Variants in SMARCC1 observed in about 807,000 individuals in gnomAD.
The protein encoded by SMARCC1 is SWI/SNF complex subunit SMARCC1.
Under a neutral mutation model 147.4 loss-of-function variants are expected in SMARCC1, and 43 were observed. The observed-to-expected ratio is 0.29, with a 90% CI of 0.23 to 0.38. The LOEUF is 0.38. SMARCC1 is among the 10% of genes least tolerant of loss of function. SMARCC1 has a pLI of 1.00. For missense variants in SMARCC1, 1,119 were observed against 1,381.1 expected (o/e 0.81, Z 3.01); for synonymous variants, 495 against 484.4 (o/e 1.02, Z -0.29).
intron 2 of SMARCC1, among the ~76,000 whole-genome samples, chr3:47,765,908 T>C (rs1247342236): frequency 2.6e-5 from 4 of 152,034 alleles, no homozygotes; most frequent in African/African-American, 9.7e-5. Context: ...AATTTTTGTA[T>C]TTGTAGTAGA....
chr3:47,700,550 ACT>A (rs1406271345), intron 11 of SMARCC1, among the ~76,000 whole-genome samples: 2 of 152,016 alleles, frequency 1.3e-5, no homozygotes, highest in African/African-American at 4.8e-5. Flanking sequence ...ACTGAGTCTC[ACT>A]CTGTCGCCCA....
intron 26 of SMARCC1, among the ~76,000 whole-genome samples, chr3:47,595,713 G>A (rs1047690124): frequency 2.0e-5 from 3 of 151,002 alleles, no homozygotes; most frequent in East Asian, 1.9e-4. Flanking sequence ...GTATTACACC[G>A]AGGCTTATAA....
At chr3:47,608,993 C>T (rs1288622283) in intron 26 of SMARCC1, among the ~76,000 whole-genome samples, 1 of 151,764 alleles carries the variant, frequency 6.6e-6, no homozygotes, top group Admixed American at 6.6e-5. Context: ...GGCACAGCCA[C>T]ATTGTGGAAA....
At chr3:47,663,873 G>A in intron 19 of SMARCC1, 1 of 1,523,156 alleles carries the variant, frequency 6.6e-7, no homozygotes, top group Non-Finnish European at 9.1e-7. Context: ...GCCGCCCAGG[G>A]TTTCACGGTC....
At chr3:47,768,809 G>A (rs1244751468) in intron 2 of SMARCC1, among the ~76,000 whole-genome samples, 1 of 152,052 alleles carries the variant, frequency 6.6e-6, no homozygotes, top group Admixed American at 6.6e-5. Context: ...TAAAGCAAAT[G>A]GGTAAAATGT....
At chr3:47,727,912 T>C (rs1020731713) in intron 6 of SMARCC1, among the ~76,000 whole-genome samples, 9 of 151,870 alleles carry the variant, frequency 5.9e-5, no homozygotes, top group African/African-American at 2.2e-4. Context: ...GACATGAGAT[T>C]TCACTATGTT....
Position 47,729,084 on chromosome 3 carries a change from G to A in SMARCC1, c.587C>T (p.Thr196Met), listed in dbSNP as rs776898660. Residue 196 changes from threonine to methionine, a missense_variant, in exon 6 of 28, where the codon ACG becomes ATG. Thr to Met is a moderately conservative substitution (Grantham distance 81). This residue lies in a region of SMARCC1 where 542 missense variants were observed against 611.8 expected (regional missense o/e 0.89). Transcript: ENST00000254480. ...GTGGGAAGCTTTTGACTTCTCATCC[G>A]TAAATGTTCCCTGGAAAGCAAATGA... is the stretch of plus-strand genomic sequence containing the variant. The part of the protein sequence containing the change: ...DIIKRHQGTF[T>M]DEKSKASHHI... The A allele has an allele frequency of 2.5e-6, 4 of 1,609,768 alleles. No homozygotes were observed. The highest frequency in any genetic ancestry group is 2.2e-5 in the East Asian group (1 of 44,806).
rs1178117694 is a variant in SMARCC1, at chr3:47,781,887, C to T, written c.-90G>A. The T allele has an allele frequency of 7.9e-6, 7 of 882,558 alleles. No individual in the cohort carries two copies. The highest frequency in any genetic ancestry group is 3.5e-5 in the African/African-American group (2 of 56,708). 54.7% of individuals were successfully genotyped at this position (882,558 alleles called of 1,614,324 possible). A position where few individuals can be genotyped will look rare whatever the true frequency, so the allele number is the denominator to read the frequency against. ...CCGCGCGCACCCCCGCGCGCGTAGC[C>T]GCCACTGCCGCTTCCCGGCCCCGCC... On this transcript the variant is annotated 5_prime_UTR_variant, in exon 1 of 28. Coordinates refer to ENST00000254480, the MANE Select transcript of SMARCC1 (RefSeq NM_003074.4).
intron 3 of SMARCC1, among the ~76,000 whole-genome samples, chr3:47,738,657 C>CT (rs923713228): frequency 6.6e-6 from 1 of 151,646 alleles, no homozygotes; most frequent in Non-Finnish European, 1.5e-5. Context: ...GCACTCTAGC[C>CT]TGGTGACAGA....
chr3:47,638,969 G>A (rs1332377051), intron 21 of SMARCC1, among the ~76,000 whole-genome samples, 189 bp from the exon 22 acceptor site: 1 of 152,170 alleles, frequency 6.6e-6, no homozygotes, highest in Admixed American at 6.5e-5. Flanking sequence ...AAAAACAGGT[G>A]AAAAGTAATC....
intron 15 of SMARCC1, 109 bp from the exon 16 acceptor site, chr3:47,678,420 A>C (rs2033599352): frequency 3.8e-6 from 2 of 522,828 alleles, no homozygotes; most frequent in East Asian, 3.1e-5. Flanking sequence ...CAACAAATTA[A>C]GACAAGAGCA....
At chr3:47,755,915 G>A (rs765613012) in intron 2 of SMARCC1, among the ~76,000 whole-genome samples, 5 of 148,628 alleles carry the variant, frequency 3.4e-5, no homozygotes, top group East Asian at 2.0e-4. Flanking sequence ...GCTTGAATCC[G>A]GGAGGCGGAG....
At chr3:47,748,226 CTT>C (rs2106843929) in intron 2 of SMARCC1, among the ~76,000 whole-genome samples, 1 of 152,074 alleles carries the variant, frequency 6.6e-6, no homozygotes, top group Non-Finnish European at 1.5e-5. Flanking sequence ...ACTTTTTTAT[CTT>C]TTTGAAACAG....
At chr3:47,602,822 G>A (rs1261667103) in intron 26 of SMARCC1, among the ~76,000 whole-genome samples, 1 of 152,170 alleles carries the variant, frequency 6.6e-6, no homozygotes, top group Admixed American at 6.5e-5. Flanking sequence ...GATCCATGAG[G>A]CAGGAATGTT....
At chr3:47,704,336 G>A (rs1219052727) in intron 10 of SMARCC1, among the ~76,000 whole-genome samples, 1 of 152,136 alleles carries the variant, frequency 6.6e-6, no homozygotes, top group Non-Finnish European at 1.5e-5. Context: ...ACTCTAAGGA[G>A]AAATGTAAAA....
At chr3:47,696,814 C>G (rs138200754) in intron 11 of SMARCC1, among the ~76,000 whole-genome samples, 3 of 152,118 alleles carry the variant, frequency 2.0e-5, no homozygotes. Context: ...TGAGCCACCG[C>G]GCCCAGCCAA....
chr3:47,673,149 T>TA (rs1405985697), intron 18 of SMARCC1, among the ~76,000 whole-genome samples: 3 of 151,360 alleles, frequency 2.0e-5, no homozygotes, highest in Non-Finnish European at 4.4e-5. Flanking sequence ...CTCTGGAAGG[T>TA]AAAAAAGGTC....
chr3:47,668,960 TAGAA>T (rs1415489853), intron 19 of SMARCC1, among the ~76,000 whole-genome samples: 2 of 152,190 alleles, frequency 1.3e-5, no homozygotes, highest in Admixed American at 6.5e-5. Context: ...ATCGATTTAT[TAGAA>T]AGAGACTATA....
At chr3:47,730,249 A>G (rs2034354147) in intron 5 of SMARCC1, among the ~76,000 whole-genome samples, 1 of 152,192 alleles carries the variant, frequency 6.6e-6, no homozygotes, top group South Asian at 2.1e-4. Flanking sequence ...GCACTTTGGA[A>G]GGCTGAAGTG....
Sources: allele counts gnomAD v4.1 joint callset (sites outside exome capture counted in the v4.1 genomes callset), GRCh38; gene constraint gnomAD v4.1.1; regional missense constraint gnomAD v4.1.1; transcripts MANE v1.5; gene names NCBI Gene and HGNC (gene_info 2026-07-23, HGNC 2026-07-21).